The following CNOT4 variants were observed in gnomAD, a reference collection of about 807,000 sequenced individuals.
The protein encoded by CNOT4 is CCR4-associated factor 4.
CNOT4 carries 8 observed loss-of-function variants against 73.8 expected under a neutral mutation model. The observed-to-expected ratio is 0.11, with a 90% confidence interval of 0.06 to 0.20. The LOEUF (loss-of-function observed/expected upper bound fraction) is 0.20. Ranked by LOEUF, CNOT4 falls within the 10% of genes least tolerant of loss-of-function variation. The probability of loss-of-function intolerance (pLI) is 1.00; values close to 1 mark genes in which losing one functional copy is unlikely to be tolerated. For missense variants in CNOT4, 564 were observed against 883.4 expected (o/e 0.64, Z 4.58); for synonymous variants, 293 against 321.1 (o/e 0.91, Z 0.94).
At chr7:135,463,035 C>CCT (rs1563065091) in intron 1 of CNOT4, among the ~76,000 whole-genome samples, 1 of 152,164 alleles carries the variant, frequency 6.6e-6, no homozygotes, top group Admixed American at 6.5e-5. Flanking sequence ...AACAGACAGC[C>CCT]GTAGATGTGC....
intron 1 of CNOT4, among the ~76,000 whole-genome samples, chr7:135,451,004 C>A (rs1800124684): frequency 6.6e-6 from 1 of 152,054 alleles, no homozygotes; most frequent in Non-Finnish European, 1.5e-5. Context: ...AAAAGAGTAA[C>A]ATGAATGGTA....
intron 1 of CNOT4, among the ~76,000 whole-genome samples, chr7:135,453,847 T>TATATATATATATAG (rs1554438701): frequency 8.4e-6 from 1 of 119,382 alleles, no homozygotes; most frequent in Non-Finnish European, 1.8e-5. Flanking sequence ...TATATATATA[T>TATATATATATATAG]TATATATATA....
chr7:135,439,545 G>A (rs1048807138), intron 1 of CNOT4, among the ~76,000 whole-genome samples: 2 of 152,206 alleles, frequency 1.3e-5, no homozygotes, highest in African/African-American at 4.8e-5. Flanking sequence ...CAGGAGGACT[G>A]CTTGAGGGCA....
rs117317801 is a variant in CNOT4, at chr7:135,473,615, T to C, written c.-92-35192A>G. ...TATAAAAATCAGCCAGGCATGACGG[T>C]GCACGCCTGTAGTCCCAGCTACTTG... On this transcript the variant is annotated intron_variant, in intron 1 of 11. Transcript: ENST00000541284. Among the ~76,000 whole-genome samples, 340 of 152,122 alleles carry C rather than the reference T, an allele frequency of 2.2e-3. 12 individuals carry two copies. In the East Asian group the frequency reaches 0.054, roughly 24 times the overall value.
At chr7:135,417,648 A>G (rs1045655351) in intron 3 of CNOT4, among the ~76,000 whole-genome samples, 5 of 152,182 alleles carry the variant, frequency 3.3e-5, no homozygotes, top group African/African-American at 1.2e-4. Flanking sequence ...TCAAAGCACA[A>G]ATCTAACCGT....
At chr7:135,490,646 A>T (rs1040768176) in intron 1 of CNOT4, among the ~76,000 whole-genome samples, 1 of 152,198 alleles carries the variant, frequency 6.6e-6, no homozygotes, top group African/African-American at 2.4e-5. Context: ...TTCCCCACCC[A>T]CACTAACAAG....
rs111602629 is a variant in CNOT4 at position 135,408,374 on chromosome 7, T to C, written c.821+2141A>G. Among the ~76,000 whole-genome samples the C allele has an allele frequency of 2.6e-5, 4 of 152,246 alleles. 1 individual carries two copies. Among genetic ancestry groups the C allele is most frequent in the African/African-American group, 9.6e-5 (4 of 41,548 alleles). On this transcript the variant is annotated intron_variant, in intron 7 of 11. Coordinates refer to ENST00000541284, the MANE Select transcript of CNOT4 (RefSeq NM_001190850.2). Reference sequence around the variant, plus strand: ...TAATAATATGTATTAGGTTTTCAAATGTAACAAACCAAGGTACTCTGTGTA... The same window carrying C: ...TAATAATATGTATTAGGTTTTCAAACGTAACAAACCAAGGTACTCTGTGTA...
intron 2 of CNOT4, among the ~76,000 whole-genome samples, chr7:135,432,784 A>G (rs1416546862): frequency 6.6e-6 from 1 of 152,210 alleles, no homozygotes; most frequent in African/African-American, 2.4e-5. Context: ...CTTTTAGTGT[A>G]CCGTCACACT....
At chr7:135,375,870 A>G (rs1795487966) in intron 10 of CNOT4, among the ~76,000 whole-genome samples, 1 of 152,156 alleles carries the variant, frequency 6.6e-6, no homozygotes, top group Non-Finnish European at 1.5e-5. Context: ...GGTTGCAGTG[A>G]GCCGAGATCG....
chr7:135,457,040 T>C (rs988475118), intron 1 of CNOT4, among the ~76,000 whole-genome samples: 6 of 152,016 alleles, frequency 3.9e-5, no homozygotes, highest in Non-Finnish European at 8.8e-5. Context: ...TATATAAAAA[T>C]CCACTGTATT....
intron 7 of CNOT4, among the ~76,000 whole-genome samples, chr7:135,402,624 T>C (rs2129483735): frequency 6.6e-6 from 1 of 152,240 alleles, no homozygotes; most frequent in Admixed American, 6.5e-5. Context: ...AGGAACACAA[T>C]GAAAAGGCAT....
At chr7:135,455,299 G>A (rs139269136) in intron 1 of CNOT4, among the ~76,000 whole-genome samples, 1,698 of 147,632 alleles carry the variant, frequency 0.012, 36 homozygotes, top group African/African-American at 0.04. Flanking sequence ...ACTATGTGGC[G>A]AAAAAAAAAG....
rs537178357 is a variant in CNOT4 at position 135,492,468 on chromosome 7, C to T, written c.-93+17421G>A. On this transcript the variant is annotated intron_variant, in intron 1 of 11. Coordinates refer to ENST00000541284, the MANE Select transcript of CNOT4 (RefSeq NM_001190850.2). ...GTAAGGAAGGAAGAAAGGAAATCAA[C>T]GGGGCAAGGTACAGTGAAAAGGCAA... Among the ~76,000 whole-genome samples the T allele has an allele frequency of 1.1e-3, 170 of 152,202 alleles. 1 individual carries two copies. The highest frequency in any genetic ancestry group is 3.7e-3 in the African/African-American group (155 of 41,518).
chr7:135,443,040 T>TAA (rs1190819658), intron 1 of CNOT4, among the ~76,000 whole-genome samples: 1 of 151,700 alleles, frequency 6.6e-6, no homozygotes, highest in African/African-American at 2.4e-5. Context: ...GCCTGGGTGA[T>TAA]AGAGTGAAAC....
intron 5 of CNOT4, 95 bp from the exon 6 acceptor site, chr7:135,413,708 A>G (rs1184276224): frequency 8.1e-7 from 1 of 1,233,220 alleles, no homozygotes. Context: ...GTCACCTAAA[A>G]TGAGGCACAA....
Position 135,415,260 on chromosome 7 carries a change from A to G in CNOT4, c.375T>C (p.Val125=). The G allele has an allele frequency of 6.6e-7, 1 of 1,524,674 alleles. No homozygotes were observed. 94.4% of individuals were successfully genotyped at this position (1,524,674 alleles called of 1,614,324 possible). A position where few individuals can be genotyped will look rare whatever the true frequency, so the allele number is the denominator to read the frequency against. The part of the protein sequence containing the change: ...GLSQRLADPE[V]LKRPEYFGKF... ...TCCCAAAATATTCTGGTCGTTTTAA[A>G]ACCTATAAAAGAAGAAGAAATAAGG... The change falls in exon 4 of 12, where the codon GTT becomes GTC. Residue 125 remains valine, a splice_region_variant and synonymous_variant. Transcript: ENST00000541284.
chr7:135,406,403 T>TA (rs1360085182), intron 7 of CNOT4, among the ~76,000 whole-genome samples: 2 of 147,494 alleles, frequency 1.4e-5, no homozygotes, highest in Admixed American at 1.4e-4. Flanking sequence ...CTCATACCTA[T>TA]AATCCCAGCT....
intron 10 of CNOT4, among the ~76,000 whole-genome samples, chr7:135,389,793 A>AT (rs1260547623): frequency 2.6e-5 from 4 of 152,232 alleles, no homozygotes; most frequent in African/African-American, 9.6e-5. Flanking sequence ...ACATCATGGA[A>AT]TAAAAACAAC....
In CNOT4 at chr7:135,407,528, C is replaced by T. The variant is rs567640805; in HGVS notation, c.821+2987G>A. 2.0e-4 allele frequency among the ~76,000 whole-genome samples: 31 copies of T among 152,282 alleles called. No individual in the cohort carries two copies. In the South Asian group the frequency reaches 6.4e-3, roughly 32 times the overall value. On this transcript the variant is annotated intron_variant, in intron 7 of 11. Transcript: ENST00000541284. ...AGTAAGTATGAGGTAAAAACACCTGCTAGTGCTACCAGTCTAACACTGTTT... is the reference window on the plus strand; with the variant it reads ...AGTAAGTATGAGGTAAAAACACCTGTTAGTGCTACCAGTCTAACACTGTTT...
Sources: gnomAD v4.1 joint callset for allele counts (sites outside exome capture counted in the v4.1 genomes callset) on GRCh38, gnomAD v4.1.1 for gene constraint, MANE v1.5 for transcripts, NCBI Gene and HGNC (gene_info 2026-07-23, HGNC 2026-07-21) for gene names.